Variants in FAM227A observed in about 807,000 individuals in gnomAD.
The protein encoded by FAM227A is family with sequence similarity 227 member A.
In FAM227A, 80 loss-of-function variants were observed where a neutral mutation model predicts 74.7. The ratio of observed to expected loss-of-function variants is 1.07; its 90% CI spans 0.89 to 1.29. The LOEUF is 1.29. Among genes scored for constraint, FAM227A ranks in the 50% most tolerant of loss-of-function variants. The pLI, the probability that FAM227A is intolerant of heterozygous loss-of-function variation, is 0.00. For missense variants in FAM227A, 654 were observed against 683.4 expected, an observed-to-expected ratio of 0.96 and a Z score of 0.48; for synonymous variants, 237 against 241.8, an observed-to-expected ratio of 0.98 and a Z score of 0.19.
chr22:38,643,704 C>T lies in FAM227A; in HGVS notation c.225+1859G>A, dbSNP rs76075350. Among the ~76,000 whole-genome samples the T allele has an allele frequency of 9.7e-3, 1,470 of 152,276 alleles. 30 individuals carry two copies. The highest frequency in any genetic ancestry group is 0.034 in the African/African-American group (1,423 of 41,562). The stretch of plus-strand genomic sequence containing the variant: ...CCACACAAAGACCTGGACATGGATG[C>T]TTACAGCAGTTTTATCTGTAATTGC... On this transcript the variant is annotated intron_variant, in intron 3 of 16. Transcript: ENST00000535113.
chr22:38,613,425 T>TATAATATATATTATATATTATACA (rs1555960391), intron 11 of FAM227A, among the ~76,000 whole-genome samples: 8 of 5,778 alleles, frequency 1.4e-3, no homozygotes, highest in Non-Finnish European at 3.5e-3. Context: ...TATATATAAT[T>TATAATATATATTATATATTATACA]TGTTTGTTTT....
Position 38,585,616 on chromosome 22 carries a change from TTC to T in FAM227A, c.*507_*508del, listed in dbSNP as rs2090788990. The stretch of plus-strand genomic sequence containing the variant: ...ATTTTCCTTTTCCCTCACAACACTT[TTC>T]TCTTTTTCCTCTGTCCAATACTTAC... On this transcript the variant is annotated 3_prime_UTR_variant, in exon 17 of 17. Transcript: ENST00000535113. 1 of 156,702 alleles carries T rather than the reference TTC, an allele frequency of 6.4e-6. No individual in the cohort carries two copies. The highest frequency in any genetic ancestry group is 1.4e-5 in the Non-Finnish European group (1 of 70,726). The allele number at this position is 156,702 out of a possible 1,614,324, so 9.7% of individuals were successfully genotyped here.
chr22:38,585,894 T>C lies in FAM227A; in HGVS notation c.*231A>G. 2.0e-6 allele frequency: 2 copies of C among 978,298 alleles called. No individual in the cohort carries two copies. Among genetic ancestry groups the C allele is most frequent in the Non-Finnish European group, 2.9e-6 (2 of 685,060 alleles). 60.6% of individuals were successfully genotyped at this position (978,298 alleles called of 1,614,324 possible). A position where few individuals can be genotyped will look rare whatever the true frequency, so the allele number is the denominator to read the frequency against. On this transcript the variant is annotated 3_prime_UTR_variant, in exon 17 of 17. Transcript: ENST00000535113. ...ACTTACCAGCATGCACGTAATAAAATACTGAAAGAGTAAATCTATGAATAA... is the reference window on the plus strand; with the variant it reads ...ACTTACCAGCATGCACGTAATAAAACACTGAAAGAGTAAATCTATGAATAA...
chr22:38,593,805 C>T (rs1175614919), intron 15 of FAM227A, among the ~76,000 whole-genome samples: 1 of 152,120 alleles, frequency 6.6e-6, no homozygotes, highest in African/African-American at 2.4e-5. Context: ...ATTCTCCTGC[C>T]TCAGCATCCC....
In FAM227A at chr22:38,631,702, C is replaced by T. The variant is rs554851985; in HGVS notation, c.520-2767G>A. On this transcript the variant is annotated intron_variant, in intron 6 of 16. Transcript: ENST00000535113. The stretch of plus-strand genomic sequence containing the variant: ...TGGGTGCAGGTGGCGAAAGAGCAAG[C>T]AGGAGCCAGGCTATGAGGCGCCTGG... Among the ~76,000 whole-genome samples, 4 of 152,200 alleles carry T rather than the reference C, an allele frequency of 2.6e-5. No individual in the cohort carries two copies. The South Asian group carries it at 8.3e-4, about 32-fold the overall frequency.
intron 4 of FAM227A, among the ~76,000 whole-genome samples, chr22:38,639,089 TGGTACCTAC>T (rs2092060356): frequency 6.6e-6 from 1 of 151,876 alleles, no homozygotes; most frequent in African/African-American, 2.4e-5. Context: ...ATATATTAAA[TGGTACCTAC>T]TTCCCAGGTG....
At chr22:38,607,257 C>A in intron 12 of FAM227A, 132 bp downstream of exon 12, 1 of 587,530 alleles carries the variant, frequency 1.7e-6, no homozygotes, top group South Asian at 2.5e-5. Context: ...TTACTTGGTG[C>A]CAAGGCCCAG....
At chr22:38,614,544 A>G (rs972017793) in intron 11 of FAM227A, among the ~76,000 whole-genome samples, 2 of 152,186 alleles carry the variant, frequency 1.3e-5, no homozygotes, top group African/African-American at 2.4e-5. Flanking sequence ...ATTGAAATGC[A>G]TATTTTGAAC....
chr22:38,649,979 A>C (rs1187343174), intron 2 of FAM227A, 48 bp downstream of exon 2: 1 of 1,537,086 alleles, frequency 6.5e-7, no homozygotes, highest in Non-Finnish European at 8.8e-7. Flanking sequence ...GCATGACTCA[A>C]GTTAGGTGTA....
At chr22:38,588,772 A>C (rs1365851605) in intron 16 of FAM227A, among the ~76,000 whole-genome samples, 1 of 150,846 alleles carries the variant, frequency 6.6e-6, no homozygotes, top group African/African-American at 2.4e-5. Context: ...TACAAAAAAA[A>C]AAAAAAATAG....
chr22:38,587,236 A>C (rs1276154503), intron 16 of FAM227A, among the ~76,000 whole-genome samples: 2 of 152,196 alleles, frequency 1.3e-5, no homozygotes, highest in Non-Finnish European at 2.9e-5. Flanking sequence ...GCACAAACTA[A>C]ATCTGAAGCT....
At chr22:38,633,998 C>T (rs911106016) in intron 6 of FAM227A, among the ~76,000 whole-genome samples, 1 of 151,868 alleles carries the variant, frequency 6.6e-6, no homozygotes, top group African/African-American at 2.4e-5. Context: ...GCAGGTGGAC[C>T]ACTTGAGGTC....
intron 11 of FAM227A, among the ~76,000 whole-genome samples, chr22:38,616,436 G>A (rs1333799198): frequency 6.6e-6 from 1 of 152,076 alleles, no homozygotes; most frequent in African/African-American, 2.4e-5. Context: ...GCTGAGGCAG[G>A]TGGATTGCCT....
chr22:38,585,919 A>G lies in FAM227A; in HGVS notation c.*206T>C. The G allele has an allele frequency of 8.6e-7, 1 of 1,165,922 alleles. No individual in the cohort carries two copies. Among genetic ancestry groups the G allele is most frequent in the Non-Finnish European group, 1.2e-6 (1 of 847,536 alleles). 72.2% of individuals were successfully genotyped at this position (1,165,922 alleles called of 1,614,324 possible). On this transcript the variant is annotated 3_prime_UTR_variant, in exon 17 of 17. Transcript: ENST00000535113. The stretch of plus-strand genomic sequence containing the variant: ...TACTGAAAGAGTAAATCTATGAATA[A>G]ATGTAGTGACCCAAGCACCAACTCT...
At chr22:38,614,837 A>C (rs1380626119) in intron 11 of FAM227A, among the ~76,000 whole-genome samples, 1 of 152,194 alleles carries the variant, frequency 6.6e-6, no homozygotes. Context: ...CCAAACACTG[A>C]ATAATATTTT....
intron 11 of FAM227A, among the ~76,000 whole-genome samples, chr22:38,611,662 G>C (rs2091417288): frequency 6.6e-6 from 1 of 152,072 alleles, no homozygotes; most frequent in African/African-American, 2.4e-5. Flanking sequence ...TGGAAATGTA[G>C]GTCTCCTGGC....
intron 1 of FAM227A, among the ~76,000 whole-genome samples, chr22:38,652,570 A>G (rs1177355912): frequency 6.7e-6 from 1 of 148,606 alleles, no homozygotes; most frequent in African/African-American, 2.5e-5. Context: ...CCTGGGCGAC[A>G]GAGCGAGACT....
intron 10 of FAM227A, among the ~76,000 whole-genome samples, chr22:38,621,607 CAA>C (rs1019722900): frequency 3.3e-5 from 5 of 152,008 alleles, no homozygotes; most frequent in African/African-American, 1.2e-4. Flanking sequence ...TCCAAAAAAC[CAA>C]AAAGTGTCTG....
In FAM227A at chr22:38,615,508, T is replaced by A. The variant is rs549735956; in HGVS notation, c.1038+4704A>T. ...GGACAAGGAGGAACCAGATTTCCCC[T>A]CTGGATCCCTGAGGAAAGCAGATTC... is the stretch of plus-strand genomic sequence containing the variant. On this transcript the variant is annotated intron_variant, in intron 11 of 16. Coordinates refer to ENST00000535113, the MANE Select transcript of FAM227A (RefSeq NM_001013647.2). Among the ~76,000 whole-genome samples, 9 of 152,268 alleles carry A rather than the reference T, an allele frequency of 5.9e-5. No individual in the cohort carries two copies. In the South Asian group the frequency reaches 1.7e-3, roughly 28 times the overall value.
Sources: gnomAD v4.1 joint callset for allele counts (sites outside exome capture counted in the v4.1 genomes callset) on GRCh38, gnomAD v4.1.1 for gene constraint, MANE v1.5 for transcripts, NCBI Gene and HGNC (gene_info 2026-07-23, HGNC 2026-07-21) for gene names.